FSTL5: variants seen among roughly 807,000 people sequenced by gnomAD.
FSTL5 encodes follistatin like 5, also known as follistatin-related protein 5.
In FSTL5, 62 loss-of-function variants were observed where a neutral mutation model predicts 89.1. The ratio of observed to expected loss-of-function variants is 0.70; its 90% CI spans 0.57 to 0.86. The LOEUF (loss-of-function observed/expected upper bound fraction) is 0.86. Among genes scored for constraint, FSTL5 ranks in the 40% least tolerant of loss-of-function variants. The probability of loss-of-function intolerance (pLI) is 0.00; values close to 1 mark genes in which losing one functional copy is unlikely to be tolerated. For missense variants in FSTL5, 1,057 were observed against 1,001.6 expected (o/e 1.06, Z -0.75); for synonymous variants, 383 against 346.2 (o/e 1.11, Z -1.18).
chr4:161,454,746 C>G (rs967473104), intron 15 of FSTL5, among the ~76,000 whole-genome samples: 2 of 152,078 alleles, frequency 1.3e-5, no homozygotes, highest in African/African-American at 4.8e-5. Flanking sequence ...GCAAAAACAT[C>G]GTTAAAGTGA....
intron 3 of FSTL5, among the ~76,000 whole-genome samples, chr4:162,031,088 A>G (rs986826375): frequency 1.3e-5 from 2 of 152,174 alleles, no homozygotes; most frequent in East Asian, 3.9e-4. Context: ...AATCTGTAGG[A>G]CTATCTCATT....
At chr4:161,579,588 G>C (rs1312357982) in intron 8 of FSTL5, among the ~76,000 whole-genome samples, 1 of 151,974 alleles carries the variant, frequency 6.6e-6, no homozygotes, top group Non-Finnish European at 1.5e-5. Context: ...ATGGTGGCAG[G>C]CACCTGTGAT....
intron 7 of FSTL5, among the ~76,000 whole-genome samples, chr4:161,603,909 C>T (rs1373047053): frequency 1.3e-5 from 2 of 152,142 alleles, no homozygotes; most frequent in East Asian, 3.9e-4. Flanking sequence ...TTTTACCTGG[C>T]TAAGGGAAAT....
intron 4 of FSTL5, among the ~76,000 whole-genome samples, chr4:161,776,933 T>C (rs1267744856): frequency 6.6e-6 from 1 of 151,900 alleles, no homozygotes; most frequent in Non-Finnish European, 1.5e-5. Context: ...TTAACTACAG[T>C]TCCCCTGTTT....
intron 6 of FSTL5, among the ~76,000 whole-genome samples, chr4:161,722,622 A>G (rs1039809229): frequency 6.6e-6 from 1 of 152,174 alleles, no homozygotes; most frequent in Non-Finnish European, 1.5e-5. Flanking sequence ...TGATCTATCT[A>G]TATGCAGAAC....
intron 3 of FSTL5, among the ~76,000 whole-genome samples, chr4:161,924,752 G>A (rs764549492): frequency 8.6e-4 from 130 of 151,768 alleles, no homozygotes; most frequent in Admixed American, 2.4e-3. Flanking sequence ...ATGGAATAGA[G>A]ACAGAAGCAG....
At position 161,385,898 on chromosome 4, in the gene FSTL5, C is replaced by T; in HGVS notation, c.2393G>A (p.Arg798Lys). The T allele has an allele frequency of 6.2e-7, 1 of 1,613,882 alleles. No homozygotes were observed. The highest frequency in any genetic ancestry group is 8.5e-7 in the Non-Finnish European group (1 of 1,179,932). Reference sequence around the variant, plus strand: ...AAACAAGCCACTGTCCTGGATTTGCCTGTTTTTCCGGTTCCAAGGCCATTC... The same window carrying T: ...AAACAAGCCACTGTCCTGGATTTGCTTGTTTTTCCGGTTCCAAGGCCATTC... ...AEEWPWNRKNRQIQDSGLFGQ... is the reference protein window; with the variant it reads ...AEEWPWNRKNKQIQDSGLFGQ... Residue 798 changes from arginine (R) to lysine (K), a missense_variant, in exon 16 of 16, where the codon AGG becomes AAG. Arg to Lys is a conservative substitution (Grantham distance 26). This residue lies in a region of FSTL5 where 68 missense variants were observed against 73.3 expected (regional missense o/e 0.93). Coordinates refer to ENST00000306100, the MANE Select transcript of FSTL5 (RefSeq NM_020116.5).
intron 4 of FSTL5, among the ~76,000 whole-genome samples, chr4:161,778,102 ACACAC>A (rs1741486538): frequency 6.6e-6 from 1 of 151,220 alleles, no homozygotes; most frequent in South Asian, 2.1e-4. Context: ...TCACACACAC[ACACAC>A]ACACACACAC....
intron 4 of FSTL5, among the ~76,000 whole-genome samples, chr4:161,785,192 T>C (rs1472097035): frequency 1.3e-5 from 2 of 152,082 alleles, no homozygotes; most frequent in Admixed American, 1.3e-4. Context: ...CAAAAATAAA[T>C]TTAAAAGTTT....
intron 6 of FSTL5, among the ~76,000 whole-genome samples, chr4:161,747,592 A>G (rs908156028): frequency 1.3e-5 from 2 of 152,198 alleles, no homozygotes; most frequent in African/African-American, 2.4e-5. Flanking sequence ...AGCTTTAAAC[A>G]TAGATGCTAT....
chr4:162,142,481 A>C (rs543358624), intron 1 of FSTL5, among the ~76,000 whole-genome samples: 3 of 152,164 alleles, frequency 2.0e-5, no homozygotes, highest in Admixed American at 6.5e-5. Context: ...TCATCAATGA[A>C]TTTTGGCATA....
chr4:161,653,338 G>A (rs1468835054), intron 7 of FSTL5, among the ~76,000 whole-genome samples: 9 of 152,250 alleles, frequency 5.9e-5, no homozygotes, highest in African/African-American at 2.2e-4. Flanking sequence ...TCTGTCACAG[G>A]AAGAATGGTG....
At chr4:161,768,326 T>C (rs951830618) in intron 5 of FSTL5, among the ~76,000 whole-genome samples, 5 of 152,100 alleles carry the variant, frequency 3.3e-5, no homozygotes, top group African/African-American at 1.2e-4. Flanking sequence ...CCATTCGTTT[T>C]CAAGGAAGGT....
chr4:162,099,173 T>C (rs1295306006), intron 2 of FSTL5, among the ~76,000 whole-genome samples: 1 of 152,144 alleles, frequency 6.6e-6, no homozygotes, highest in African/African-American at 2.4e-5. Flanking sequence ...ATATTTTCTT[T>C]CAGCTATTTT....
chr4:161,989,778 G>T (rs1378794899), intron 3 of FSTL5, among the ~76,000 whole-genome samples: 1 of 152,088 alleles, frequency 6.6e-6, no homozygotes, highest in African/African-American at 2.4e-5. Flanking sequence ...TTCAGTGATG[G>T]ATCTTTAGTA....
intron 15 of FSTL5, among the ~76,000 whole-genome samples, chr4:161,399,289 C>T (rs1731102876): frequency 6.6e-6 from 1 of 152,094 alleles, no homozygotes; most frequent in Admixed American, 6.6e-5. Flanking sequence ...TAAGAGCCTA[C>T]TGCTGACCTG....
At chr4:161,762,451 G>T (rs767268100) in intron 5 of FSTL5, among the ~76,000 whole-genome samples, 1 of 152,082 alleles carries the variant, frequency 6.6e-6, no homozygotes, top group Non-Finnish European at 1.5e-5. Flanking sequence ...ACTCACTGTA[G>T]ACTTCTCAAA....
chr4:162,146,696 TTCCCTTCCCTTCCCC>T (rs1358510420), intron 1 of FSTL5, among the ~76,000 whole-genome samples: 2 of 48,994 alleles, frequency 4.1e-5, no homozygotes, highest in Non-Finnish European at 9.9e-5. Context: ...TTCCCTTCCC[TTCCCTTCCCTTCCCC>T]TTCCCCTTCC....
At chr4:161,464,824 G>T (rs1267236919) in intron 13 of FSTL5, among the ~76,000 whole-genome samples, 3 of 152,026 alleles carry the variant, frequency 2.0e-5, no homozygotes, top group Admixed American at 1.3e-4. Context: ...CTCCTCTGAT[G>T]TTGAAATTGA....
Sources: allele counts gnomAD v4.1 joint callset (sites outside exome capture counted in the v4.1 genomes callset), GRCh38; gene constraint gnomAD v4.1.1; regional missense constraint gnomAD v4.1.1; transcripts MANE v1.5; gene names NCBI Gene and HGNC (gene_info 2026-07-23, HGNC 2026-07-21).